SLC16A7: variants seen among roughly 807,000 people sequenced by gnomAD.
SLC16A7 encodes the protein solute carrier family 16 member 7.
A neutral mutation model predicts 34.9 loss-of-function variants in SLC16A7; 33 were observed. The ratio of observed to expected loss-of-function variants is 0.94; its 90% CI spans 0.72 to 1.26. The LOEUF (loss-of-function observed/expected upper bound fraction) is 1.26, where lower values mean the gene tolerates loss of function less well. Ranked by LOEUF, SLC16A7 falls within the 50% of genes most tolerant of loss-of-function variation. The pLI, the probability that SLC16A7 is intolerant of heterozygous loss-of-function variation, is 0.00. For synonymous variants in SLC16A7, 201 were observed against 206.6 expected (o/e 0.97, Z 0.23); for missense variants, 573 against 578.1 (o/e 0.99, Z 0.09).
intron 1 of SLC16A7, among the ~76,000 whole-genome samples, chr12:59,651,694 G>T (rs1416113194): frequency 6.6e-6 from 1 of 152,088 alleles, no homozygotes; most frequent in Non-Finnish European, 1.5e-5. Flanking sequence ...TTGCCACAAT[G>T]CCCTCACATT....
chr12:59,752,102 T>C (rs1363673972), intron 3 of SLC16A7, among the ~76,000 whole-genome samples: 1 of 151,994 alleles, frequency 6.6e-6, no homozygotes, highest in Admixed American at 6.6e-5. Context: ...CAAAAACCCA[T>C]CTGTACATCA....
intron 5 of SLC16A7, among the ~76,000 whole-genome samples, chr12:59,777,739 G>T (rs942707123): frequency 6.6e-6 from 1 of 151,562 alleles, no homozygotes; most frequent in African/African-American, 2.4e-5. Context: ...TGCCATGCTG[G>T]TGTGCTGTAC....
rs1203973309 is a variant in SLC16A7 at position 59,775,404 on chromosome 12, G to A, written c.1109G>A (p.Arg370Lys). 7 of 1,613,988 alleles carry A rather than the reference G, an allele frequency of 4.3e-6. No individual in the cohort carries two copies. In the South Asian group the frequency reaches 7.7e-5, roughly 18 times the overall value. Residue 370 changes from arginine (R) to lysine (K), a missense_variant, in exon 5 of 6, where the codon AGA (arginine) becomes AAA (lysine). Coordinates refer to ENST00000547379, the MANE Select transcript of SLC16A7 (RefSeq NM_001270623.2). ...CTCATGGACCTCGTGGGTGCACCAA[G>A]ATTTTCCAGTGCCGTCGGACTTGTC... Reference protein sequence around the residue: ...ETLMDLVGAPRFSSAVGLVTI... With the variant: ...ETLMDLVGAPKFSSAVGLVTI...
At chr12:59,690,442 T>C (rs1871516756) in intron 2 of SLC16A7, among the ~76,000 whole-genome samples, 1 of 152,052 alleles carries the variant, frequency 6.6e-6, no homozygotes, top group African/African-American at 2.4e-5. Context: ...TCATTATACT[T>C]GTGAGATACC....
At position 59,753,624 on chromosome 12, in the gene SLC16A7, C is replaced by A. The variant is rs533147460; in HGVS notation, c.218-17595C>A. On this transcript the variant is annotated intron_variant, in intron 3 of 5. Coordinates refer to ENST00000547379, the MANE Select transcript of SLC16A7 (RefSeq NM_001270623.2). ...CATAAAGCAAGTCCTGAGTGACATACAAAGAGACTTAGACTCCCACACATT... is the reference window on the plus strand; with the variant it reads ...CATAAAGCAAGTCCTGAGTGACATAAAAAGAGACTTAGACTCCCACACATT... 1.3e-3 allele frequency among the ~76,000 whole-genome samples: 203 copies of A among 151,942 alleles called. 1 individual carries two copies. The highest frequency in any genetic ancestry group is 6.8e-3 in the Middle Eastern group (2 of 294).
At chr12:59,766,315 C>T (rs1420665987) in intron 3 of SLC16A7, among the ~76,000 whole-genome samples, 4 of 152,046 alleles carry the variant, frequency 2.6e-5, no homozygotes, top group East Asian at 1.9e-4. Context: ...AATTGAATGC[C>T]GTTTATTTCC....
At chr12:59,658,259 TCTTA>T (rs1182435805) in intron 2 of SLC16A7, among the ~76,000 whole-genome samples, 2 of 152,028 alleles carry the variant, frequency 1.3e-5, no homozygotes, top group South Asian at 2.1e-4. Context: ...CATTTTACAG[TCTTA>T]CTTCTCCCAC....
chr12:59,614,685 T>C (rs2136972162), intron 1 of SLC16A7, among the ~76,000 whole-genome samples: 1 of 151,548 alleles, frequency 6.6e-6, no homozygotes, highest in East Asian at 2.0e-4. Flanking sequence ...AGTCAGGCCC[T>C]TATATAAATG....
intron 3 of SLC16A7, among the ~76,000 whole-genome samples, chr12:59,753,951 C>T (rs1316590101): frequency 2.0e-5 from 3 of 152,172 alleles, no homozygotes; most frequent in Non-Finnish European, 4.4e-5. Context: ...GATTAAGAAA[C>T]TCACTCAAAA....
intron 3 of SLC16A7, chr12:59,733,802 A>G (rs779746984): frequency 2.2e-6 from 1 of 456,024 alleles, no homozygotes; most frequent in African/African-American, 2.0e-5. Context: ...AGCTTCACTG[A>G]GCAACAAAAC....
chr12:59,622,701 A>AT (rs1251909003), intron 1 of SLC16A7, among the ~76,000 whole-genome samples: 5 of 151,788 alleles, frequency 3.3e-5, no homozygotes, highest in Non-Finnish European at 5.9e-5. Flanking sequence ...TGTTCGAAAC[A>AT]TTTTTCTGCA....
intron 2 of SLC16A7, among the ~76,000 whole-genome samples, chr12:59,703,312 A>G (rs940319579): frequency 1.6e-4 from 24 of 152,076 alleles, no homozygotes; most frequent in Admixed American, 1.5e-3. Flanking sequence ...CCATTTAACA[A>G]TTTTTAAAAT....
intron 3 of SLC16A7, among the ~76,000 whole-genome samples, chr12:59,736,478 A>C (rs1464332216): frequency 6.6e-6 from 1 of 152,114 alleles, no homozygotes; most frequent in African/African-American, 2.4e-5. Context: ...TCTTGAGCTA[A>C]TTTTCACTTT....
At chr12:59,602,479 CTT>C (rs34035713) in intron 1 of SLC16A7, among the ~76,000 whole-genome samples, 6 of 80,260 alleles carry the variant, frequency 7.5e-5, no homozygotes, top group Non-Finnish European at 1.4e-4. Context: ...GTGTTTTGGG[CTT>C]TTTTTTTTTT....
chr12:59,664,113 AAG>A lies in SLC16A7; in HGVS notation c.-31+8864_-31+8865del, dbSNP rs571117413. Among the ~76,000 whole-genome samples, 95 of 152,212 alleles carry A rather than the reference AAG, an allele frequency of 6.2e-4. 1 individual carries two copies. The East Asian group carries it at 0.017, about 28-fold the overall frequency. On this transcript the variant is annotated intron_variant, in intron 2 of 5. Coordinates refer to ENST00000547379, the MANE Select transcript of SLC16A7 (RefSeq NM_001270623.2). ...ATTTTACAGCTATATGGCCTTACAT[AAG>A]TAATCAAAACGCTGAGCTTCAGTGT...
At chr12:59,677,738 T>G (rs909102416) in intron 2 of SLC16A7, among the ~76,000 whole-genome samples, 25 of 152,230 alleles carry the variant, frequency 1.6e-4, no homozygotes, top group African/African-American at 5.3e-4. Flanking sequence ...AATCATTCCC[T>G]TACTCAAAAA....
At chr12:59,772,793 A>G (rs1185368113) in intron 4 of SLC16A7, among the ~76,000 whole-genome samples, 1 of 152,192 alleles carries the variant, frequency 6.6e-6, no homozygotes, top group African/African-American at 2.4e-5. Context: ...TTTGATGATC[A>G]TAAATAAATA....
At chr12:59,755,331 G>A (rs1295679070) in intron 3 of SLC16A7, among the ~76,000 whole-genome samples, 1 of 152,192 alleles carries the variant, frequency 6.6e-6, no homozygotes, top group Non-Finnish European at 1.5e-5. Flanking sequence ...GTTTGCAAAT[G>A]ACATGATTGT....
chr12:59,707,998 A>G (rs918159934), intron 3 of SLC16A7, among the ~76,000 whole-genome samples: 1 of 152,126 alleles, frequency 6.6e-6, no homozygotes, highest in Non-Finnish European at 1.5e-5. Context: ...ACGTTTACAT[A>G]GTTTGTTGGA....
Sources: gnomAD v4.1 joint callset for allele counts (sites outside exome capture counted in the v4.1 genomes callset) on GRCh38, gnomAD v4.1.1 for gene constraint, MANE v1.5 for transcripts, NCBI Gene and HGNC (gene_info 2026-07-23, HGNC 2026-07-21) for gene names.